Variants in LRRTM4 observed in about 807,000 individuals in gnomAD.
LRRTM4 encodes leucine-rich repeat transmembrane neuronal protein 4.
A neutral mutation model predicts 47.6 loss-of-function variants in LRRTM4; 25 were observed. The observed-to-expected ratio is 0.53, with a 90% CI of 0.38 to 0.73. The LOEUF (loss-of-function observed/expected upper bound fraction) is 0.73, where lower values mean the gene tolerates loss of function less well. Among genes scored for constraint, LRRTM4 ranks in the 30% least tolerant of loss-of-function variants. The pLI is 0.00. For missense variants in LRRTM4, 638 were observed against 713.4 expected, an observed-to-expected ratio of 0.89 and a Z score of 1.20; for synonymous variants, 311 against 269.5, an observed-to-expected ratio of 1.15 and a Z score of -1.51.
intron 3 of LRRTM4, among the ~76,000 whole-genome samples, chr2:76,780,898 C>G (rs1250299495): frequency 6.6e-6 from 1 of 151,456 alleles, no homozygotes; most frequent in East Asian, 1.9e-4. Flanking sequence ...TTTTTATCTA[C>G]TTTTGGTCTT....
intron 3 of LRRTM4, among the ~76,000 whole-genome samples, chr2:76,793,068 A>G (rs1405056628): frequency 1.3e-5 from 2 of 152,196 alleles, no homozygotes; most frequent in Admixed American, 6.5e-5. Flanking sequence ...CTTTAGCAGT[A>G]TTAAATAACT....
chr2:77,344,840 T>A (rs1671504056), intron 3 of LRRTM4, among the ~76,000 whole-genome samples: 1 of 151,630 alleles, frequency 6.6e-6, no homozygotes, highest in South Asian at 2.1e-4. Flanking sequence ...GAGACAGACA[T>A]GAAGACTAGG....
intron 3 of LRRTM4, among the ~76,000 whole-genome samples, chr2:76,781,432 C>G (rs951736119): frequency 4.6e-5 from 7 of 152,256 alleles, no homozygotes; most frequent in Admixed American, 4.6e-4. Context: ...CCCTCCGAGC[C>G]AGGTGTGGCA....
intron 3 of LRRTM4, among the ~76,000 whole-genome samples, chr2:77,233,273 C>A (rs1425736437): frequency 6.6e-6 from 1 of 152,074 alleles, no homozygotes; most frequent in African/African-American, 2.4e-5. Context: ...TTCTTTAATC[C>A]TCTTTGGCAT....
At chr2:77,049,142 A>ATATATATATATG (rs1405336564) in intron 3 of LRRTM4, among the ~76,000 whole-genome samples, 8 of 132,698 alleles carry the variant, frequency 6.0e-5, no homozygotes, top group African/African-American at 2.5e-4. Context: ...ATATATATAT[A>ATATATATATATG]TATATATATA....
At chr2:77,502,536 T>A (rs922830532) in intron 3 of LRRTM4, among the ~76,000 whole-genome samples, 1 of 151,552 alleles carries the variant, frequency 6.6e-6, no homozygotes, top group African/African-American at 2.4e-5. Context: ...AGGCAGAAAA[T>A]TTTTTAAAAA....
intron 3 of LRRTM4, among the ~76,000 whole-genome samples, chr2:77,256,373 TA>T (rs528373753): frequency 1.3e-5 from 2 of 152,076 alleles, no homozygotes; most frequent in Non-Finnish European, 2.9e-5. Flanking sequence ...CAAGCTCATC[TA>T]AAAAAACAGA....
At chr2:77,343,648 T>C (rs144051712) in intron 3 of LRRTM4, among the ~76,000 whole-genome samples, 22 of 152,056 alleles carry the variant, frequency 1.4e-4, no homozygotes, top group African/African-American at 5.3e-4. Flanking sequence ...CCAGCTGCAT[T>C]TAGCAGTTTT....
intron 3 of LRRTM4, among the ~76,000 whole-genome samples, chr2:77,136,014 C>T (rs1234236742): frequency 2.0e-5 from 3 of 152,038 alleles, no homozygotes; most frequent in Non-Finnish European, 4.4e-5. Flanking sequence ...AAAGGTTTAA[C>T]ATGGCGGCGG....
At chr2:77,506,444 T>G (rs1012718493) in intron 3 of LRRTM4, among the ~76,000 whole-genome samples, 1 of 151,756 alleles carries the variant, frequency 6.6e-6, no homozygotes, top group South Asian at 2.1e-4. Flanking sequence ...CAAAGACTGT[T>G]TAGATTCCAC....
chr2:76,957,813 A>G (rs1027828744), intron 3 of LRRTM4, among the ~76,000 whole-genome samples: 13 of 151,708 alleles, frequency 8.6e-5, no homozygotes, highest in Admixed American at 1.3e-4. Flanking sequence ...TGGTTTTGAC[A>G]CGCTCACTTC....
At chr2:77,344,138 A>C (rs1192340177) in intron 3 of LRRTM4, among the ~76,000 whole-genome samples, 1 of 151,948 alleles carries the variant, frequency 6.6e-6, no homozygotes, top group Non-Finnish European at 1.5e-5. Flanking sequence ...AACAGGGCCT[A>C]GAATTCCATA....
intron 3 of LRRTM4, among the ~76,000 whole-genome samples, chr2:77,206,440 C>T (rs1329993306): frequency 6.6e-6 from 1 of 151,888 alleles, no homozygotes; most frequent in Non-Finnish European, 1.5e-5. Context: ...CCACCTCGGC[C>T]TCCTAAAGTG....
intron 3 of LRRTM4, among the ~76,000 whole-genome samples, chr2:77,184,415 C>T (rs1370319239): frequency 6.6e-6 from 1 of 152,066 alleles, no homozygotes; most frequent in Non-Finnish European, 1.5e-5. Flanking sequence ...CCCACAGAAA[C>T]AGCTAATTGA....
At chr2:77,466,234 A>G (rs1485528097) in intron 3 of LRRTM4, among the ~76,000 whole-genome samples, 1 of 152,236 alleles carries the variant, frequency 6.6e-6, no homozygotes, top group Non-Finnish European at 1.5e-5. Flanking sequence ...AATTGAATGG[A>G]GGTGAAAAGA....
At chr2:77,464,247 A>C (rs2103978144) in intron 3 of LRRTM4, among the ~76,000 whole-genome samples, 1 of 152,206 alleles carries the variant, frequency 6.6e-6, no homozygotes. Flanking sequence ...CCACAGTATC[A>C]TGGCCCTGGA....
chr2:77,044,876 T>A (rs1237564019), intron 3 of LRRTM4, among the ~76,000 whole-genome samples: 3 of 151,620 alleles, frequency 2.0e-5, no homozygotes, highest in Admixed American at 1.3e-4. Context: ...CACAGACAAA[T>A]GTATACATAT....
At chr2:77,206,571 G>A (rs919889992) in intron 3 of LRRTM4, among the ~76,000 whole-genome samples, 3 of 151,794 alleles carry the variant, frequency 2.0e-5, no homozygotes, top group Admixed American at 6.6e-5. Context: ...TATAACCTCC[G>A]CCTCCCGGGT....
At chr2:77,405,213 T>TTGCAACCAA (rs1573369508) in intron 3 of LRRTM4, among the ~76,000 whole-genome samples, 1 of 152,118 alleles carries the variant, frequency 6.6e-6, no homozygotes, top group East Asian at 1.9e-4. Context: ...AAATTAATAC[T>TTGCAACCAA]ATTCATTTTG....
Sources: gnomAD v4.1 joint callset for allele counts (sites outside exome capture counted in the v4.1 genomes callset) on GRCh38, gnomAD v4.1.1 for gene constraint, MANE v1.5 for transcripts, NCBI Gene and HGNC (gene_info 2026-07-23, HGNC 2026-07-21) for gene names.